SLC30A8: variants seen among roughly 807,000 people sequenced by gnomAD.
SLC30A8 encodes the protein proton-coupled zinc antiporter SLC30A8.
In SLC30A8, 27 loss-of-function variants were observed where a neutral mutation model predicts 36.9. That is an observed-to-expected ratio of 0.73 (90% CI 0.54 to 1.01). SLC30A8 has a LOEUF of 1.01. SLC30A8 is among the 50% of genes least tolerant of loss of function. The pLI is 0.00. For synonymous variants in SLC30A8, 164 were observed against 172.4 expected, an observed-to-expected ratio of 0.95 and a Z score of 0.38; for missense variants, 439 against 452.0, an observed-to-expected ratio of 0.97 and a Z score of 0.26.
intron 2 of SLC30A8, among the ~76,000 whole-genome samples, chr8:117,043,686 T>C (rs1247315017): frequency 1.3e-5 from 2 of 152,234 alleles, no homozygotes; most frequent in East Asian, 3.8e-4. Context: ...TGTGAGCTAC[T>C]CAGAGATTTG....
At chr8:116,981,885 C>T (rs1038309694) in intron 1 of SLC30A8, among the ~76,000 whole-genome samples, 3 of 152,120 alleles carry the variant, frequency 2.0e-5, no homozygotes, top group Admixed American at 2.0e-4. Flanking sequence ...CATATGTGTG[C>T]ATGTGTCTTT....
At chr8:117,037,248 A>G (rs918571350) in intron 1 of SLC30A8, among the ~76,000 whole-genome samples, 10 of 152,234 alleles carry the variant, frequency 6.6e-5, no homozygotes, top group African/African-American at 2.4e-4. Context: ...AGCTCAGATT[A>G]GAAGACCTAA....
At chr8:117,160,141 T>G (rs1438211573) in intron 4 of SLC30A8, among the ~76,000 whole-genome samples, 1 of 152,204 alleles carries the variant, frequency 6.6e-6, no homozygotes, top group Non-Finnish European at 1.5e-5. Context: ...CAGGAATAAA[T>G]CTATTCCCTG....
chr8:117,077,764 A>G (rs1245537183), intron 2 of SLC30A8, among the ~76,000 whole-genome samples: 2 of 152,210 alleles, frequency 1.3e-5, no homozygotes, highest in African/African-American at 4.8e-5. Context: ...GAAGTGGATC[A>G]CTCTTTTTAA....
At chr8:117,093,165 TACTCTC>T (rs1238951164) in intron 2 of SLC30A8, among the ~76,000 whole-genome samples, 2 of 151,954 alleles carry the variant, frequency 1.3e-5, no homozygotes, top group Non-Finnish European at 2.9e-5. Context: ...TGAGGTAAGA[TACTCTC>T]ATGGCCCAGG....
intron 1 of SLC30A8, among the ~76,000 whole-genome samples, chr8:116,959,060 G>C (rs1270489465): frequency 6.6e-6 from 1 of 151,510 alleles, no homozygotes; most frequent in African/African-American, 2.4e-5. Flanking sequence ...CGTGTTAGCC[G>C]GGATGGTCTC....
intron 1 of SLC30A8, among the ~76,000 whole-genome samples, chr8:116,951,561 T>C (rs1813992428): frequency 6.6e-6 from 1 of 152,056 alleles, no homozygotes; most frequent in Non-Finnish European, 1.5e-5. Context: ...ATCTACCACA[T>C]GTATCGTAAT....
At chr8:117,100,621 A>G (rs771928786) in intron 2 of SLC30A8, among the ~76,000 whole-genome samples, 13 of 152,184 alleles carry the variant, frequency 8.5e-5, no homozygotes, top group Admixed American at 2.0e-4. Flanking sequence ...TGAGCAGATC[A>G]GGGTCTCCTG....
chr8:117,071,109 G>A (rs895761297), intron 2 of SLC30A8, among the ~76,000 whole-genome samples: 2 of 152,106 alleles, frequency 1.3e-5, no homozygotes, highest in African/African-American at 2.4e-5. Flanking sequence ...TTAATTATTT[G>A]AGGAGCCTCC....
chr8:117,120,256 C>T (rs990145375), intron 2 of SLC30A8, among the ~76,000 whole-genome samples: 14 of 151,878 alleles, frequency 9.2e-5, no homozygotes, highest in Non-Finnish European at 2.1e-4. Flanking sequence ...ATAGTACTTA[C>T]ATAAAGACAG....
At chr8:117,090,305 T>C (rs1819058753) in intron 2 of SLC30A8, among the ~76,000 whole-genome samples, 1 of 152,202 alleles carries the variant, frequency 6.6e-6, no homozygotes, top group Non-Finnish European at 1.5e-5. Flanking sequence ...TACTAACTCC[T>C]CTAAGAAGCC....
At chr8:117,007,886 AAC>A (rs1816232673) in intron 1 of SLC30A8, among the ~76,000 whole-genome samples, 1 of 152,198 alleles carries the variant, frequency 6.6e-6, no homozygotes, top group Non-Finnish European at 1.5e-5. Context: ...TGTACACAAA[AAC>A]ACTTAAAAAC....
chr8:117,113,744 T>A (rs1820327981), intron 2 of SLC30A8, among the ~76,000 whole-genome samples: 1 of 152,162 alleles, frequency 6.6e-6, no homozygotes, highest in Admixed American at 6.6e-5. Context: ...ACCAATTTAA[T>A]AAAACTTAAT....
At chr8:117,149,456 C>T (rs1215268221) in intron 2 of SLC30A8, among the ~76,000 whole-genome samples, 1 of 152,148 alleles carries the variant, frequency 6.6e-6, no homozygotes, top group Non-Finnish European at 1.5e-5. Context: ...TATTGTTAAT[C>T]TCACTTTATA....
intron 2 of SLC30A8, among the ~76,000 whole-genome samples, chr8:117,073,699 G>C (rs1262313777): frequency 6.6e-6 from 1 of 152,064 alleles, no homozygotes; most frequent in Non-Finnish European, 1.5e-5. Context: ...CTTTCCCTTT[G>C]GAAAATAAAT....
chr8:117,080,363 C>A (rs1210273015), intron 2 of SLC30A8, among the ~76,000 whole-genome samples: 2 of 151,962 alleles, frequency 1.3e-5, no homozygotes, highest in Non-Finnish European at 2.9e-5. Flanking sequence ...CGGGGATACA[C>A]ACGTATCCCC....
At chr8:116,997,522 C>T (rs184748672) in intron 1 of SLC30A8, among the ~76,000 whole-genome samples, 323 of 151,622 alleles carry the variant, frequency 2.1e-3, no homozygotes, top group South Asian at 8.6e-3. Context: ...AAGTAGCTTG[C>T]TTTTGGGATG....
intron 2 of SLC30A8, among the ~76,000 whole-genome samples, chr8:117,120,984 A>T (rs1820672882): frequency 6.6e-6 from 1 of 151,800 alleles, no homozygotes; most frequent in African/African-American, 2.4e-5. Context: ...ACACACACAA[A>T]CAAAAAATAA....
intron 1 of SLC30A8, among the ~76,000 whole-genome samples, chr8:116,972,250 G>A (rs1220296882): frequency 6.6e-6 from 1 of 152,172 alleles, no homozygotes; most frequent in Non-Finnish European, 1.5e-5. Flanking sequence ...TCAGTCATCT[G>A]GGGAGCAATT....
Sources: gnomAD v4.1 joint callset for allele counts (sites outside exome capture counted in the v4.1 genomes callset) on GRCh38, gnomAD v4.1.1 for gene constraint, MANE v1.5 for transcripts, NCBI Gene and HGNC (gene_info 2026-07-23, HGNC 2026-07-21) for gene names.